MGRN1: variants seen among roughly 807,000 people sequenced by gnomAD.
MGRN1 encodes the protein E3 ubiquitin-protein ligase MGRN1.
In MGRN1, 29 loss-of-function variants were observed where a neutral mutation model predicts 69.2. That is an observed-to-expected ratio of 0.42 (90% CI 0.31 to 0.57). MGRN1 has a LOEUF of 0.57. Among genes scored for constraint, MGRN1 ranks in the 20% least tolerant of loss-of-function variants. The pLI is 0.15. For synonymous variants in MGRN1, 470 were observed against 344.2 expected (o/e 1.37, Z -4.04); for missense variants, 998 against 796.2 (o/e 1.25, Z -3.05).
intron 11 of MGRN1, among the ~76,000 whole-genome samples, chr16:4,679,165 A>T (rs1380410881): frequency 6.6e-6 from 1 of 152,146 alleles, no homozygotes; most frequent in African/African-American, 2.4e-5. Context: ...TGGTGGAGAG[A>T]GAAGCAGCCC....
intron 9 of MGRN1, 89 bp downstream of exon 9, chr16:4,671,548 A>G (rs2078937544): frequency 1.3e-5 from 17 of 1,259,596 alleles, no homozygotes; most frequent in Non-Finnish European, 2.0e-5. Flanking sequence ...GTTCCCTTCC[A>G]TGCCTTCCCC....
chr16:4,677,933 C>T (rs1455942362), intron 11 of MGRN1, among the ~76,000 whole-genome samples: 1 of 151,336 alleles, frequency 6.6e-6, no homozygotes, highest in African/African-American at 2.4e-5. Context: ...ACTGCAGCCT[C>T]GACCTCCCGC....
chr16:4,657,411 C>G (rs763980840), intron 5 of MGRN1, 48 bp downstream of exon 5: 13 of 1,563,804 alleles, frequency 8.3e-6, no homozygotes, highest in Admixed American at 3.3e-5. Context: ...CCTGAATTCT[C>G]TCCCCTTGGG....
Position 4,688,952 on chromosome 16 carries a change from C to G in MGRN1, c.*44C>G. The G allele has an allele frequency of 6.6e-7, 1 of 1,509,154 alleles. No homozygotes were observed. Among genetic ancestry groups the G allele is most frequent in the Non-Finnish European group, 8.9e-7 (1 of 1,120,756 alleles). 93.5% of individuals were successfully genotyped at this position (1,509,154 alleles called of 1,614,324 possible). On this transcript the variant is annotated 3_prime_UTR_variant, in exon 17 of 17. Coordinates refer to ENST00000262370, the MANE Select transcript of MGRN1 (RefSeq NM_015246.4). ...AGCATGGAGCCCTCGGCTCCCCAGA[C>G]TTTGCCGAGGGGCTGCTCCGGACCC...
At chr16:4,682,785 A>G (rs776695783) in intron 13 of MGRN1, 38 bp from the exon 14 acceptor site, 11 of 1,482,952 alleles carry the variant, frequency 7.4e-6, no homozygotes, top group Non-Finnish European at 9.0e-6. Flanking sequence ...CCTTGTCGTT[A>G]TCCTCTCACC....
At chr16:4,634,967 C>T (rs1207612713) in intron 1 of MGRN1, 1 of 152,212 alleles carries the variant, frequency 6.6e-6, no homozygotes, top group Non-Finnish European at 1.5e-5. Context: ...TCTAACAGGG[C>T]TCTCGCCCCG....
At chr16:4,678,574 TGGAGAGACACAG>T (rs2079106801) in intron 11 of MGRN1, among the ~76,000 whole-genome samples, 1 of 150,748 alleles carries the variant, frequency 6.6e-6, no homozygotes, top group South Asian at 2.1e-4. Context: ...GAGAGAGATG[TGGAGAGACACAG>T]GGAGAGACAG....
chr16:4,632,472 C>A (rs1235949467), intron 1 of MGRN1, among the ~76,000 whole-genome samples: 3 of 151,924 alleles, frequency 2.0e-5, no homozygotes. Context: ...CTGCTCACTG[C>A]AAGCTCTGCC....
rs115030281 is a variant in MGRN1, at chr16:4,652,172, C to T, written c.296+121C>T. ...AGGGGCCCCAGTTTCTGCGCCCTCC[C>T]GTGTGGAATGAGAGGCTGTCCTGGG... On this transcript the variant is annotated intron_variant, in intron 3 of 16. Coordinates refer to ENST00000262370, the MANE Select transcript of MGRN1 (RefSeq NM_015246.4). 3.0e-3 allele frequency: 2,631 copies of T among 884,414 alleles called. 52 individuals are homozygous for T. In the African/African-American group the frequency reaches 0.039, roughly 13 times the overall value. The allele number at this position is 884,414 out of a possible 1,614,324, so 54.8% of individuals were successfully genotyped here. A position where few individuals can be genotyped will look rare whatever the true frequency, so the allele number is the denominator to read the frequency against.
chr16:4,653,812 G>C (rs1265756370), intron 4 of MGRN1, among the ~76,000 whole-genome samples: 2 of 151,734 alleles, frequency 1.3e-5, no homozygotes, highest in African/African-American at 4.8e-5. Context: ...GAGTGCAATG[G>C]TGTGATCTTG....
At chr16:4,655,558 G>T (rs192615493) in intron 4 of MGRN1, among the ~76,000 whole-genome samples, 1 of 151,798 alleles carries the variant, frequency 6.6e-6, no homozygotes, top group Non-Finnish European at 1.5e-5. Context: ...AGCAGGAACA[G>T]CTCCAGTGCC....
chr16:4,672,487 C>G, intron 9 of MGRN1: 1 of 456,672 alleles, frequency 2.2e-6, no homozygotes, highest in Non-Finnish European at 4.4e-6. Flanking sequence ...GAGCGGAGCA[C>G]CTGGCCGGGC....
At chr16:4,679,906 TC>T in intron 11 of MGRN1, 125 bp from the exon 12 acceptor site, 1 of 891,300 alleles carries the variant, frequency 1.1e-6, no homozygotes, top group Non-Finnish European at 1.8e-6. Context: ...GAGATTCACG[TC>T]CCCCGGAAGC....
At chr16:4,655,954 C>T (rs992053101) in intron 4 of MGRN1, among the ~76,000 whole-genome samples, 1 of 152,252 alleles carries the variant, frequency 6.6e-6, no homozygotes, top group Non-Finnish European at 1.5e-5. Flanking sequence ...CGGGCCTCCC[C>T]TGTAGTGCCT....
chr16:4,662,387 G>A (rs901852106), intron 5 of MGRN1, among the ~76,000 whole-genome samples: 1 of 151,866 alleles, frequency 6.6e-6, no homozygotes, highest in Non-Finnish European at 1.5e-5. Flanking sequence ...GTGGTGGCGG[G>A]CGCCTATAAT....
chr16:4,640,977 A>G (rs1194448750), intron 1 of MGRN1, among the ~76,000 whole-genome samples: 2 of 152,160 alleles, frequency 1.3e-5, no homozygotes, highest in East Asian at 1.9e-4. Flanking sequence ...GGCCAGCGGG[A>G]AAGGGGGTGA....
intron 1 of MGRN1, chr16:4,649,004 G>A (rs1237075834): frequency 6.4e-6 from 1 of 155,894 alleles, no homozygotes; most frequent in Non-Finnish European, 1.4e-5. Flanking sequence ...AGGAATCCAG[G>A]GGAGAGGCCA....
chr16:4,689,172 G>GC lies in MGRN1; in HGVS notation c.*264_*265insC. 2.2e-6 allele frequency: 1 copy of GC among 457,872 alleles called. No individual in the cohort carries two copies. The highest frequency in any genetic ancestry group is 3.8e-5 in the East Asian group (1 of 26,646). The allele number at this position is 457,872 out of a possible 1,614,324, so 28.4% of individuals were successfully genotyped here. On this transcript the variant is annotated 3_prime_UTR_variant, in exon 17 of 17. Coordinates refer to ENST00000262370, the MANE Select transcript of MGRN1 (RefSeq NM_015246.4). ...TAGTTCAGAGCCCCCGTTCCCCAGG[G>GC]TCCTGTGGGCTGAGCGGCTGGGGCT...
intron 10 of MGRN1, chr16:4,677,049 G>A (rs1049129308): frequency 6.2e-6 from 1 of 160,722 alleles, no homozygotes; most frequent in Non-Finnish European, 1.4e-5. Flanking sequence ...CCTGTCTCGG[G>A]TGCAGCCTGG....
Sources: gnomAD v4.1 joint callset for allele counts (sites outside exome capture counted in the v4.1 genomes callset) on GRCh38, gnomAD v4.1.1 for gene constraint, MANE v1.5 for transcripts, NCBI Gene and HGNC (gene_info 2026-07-23, HGNC 2026-07-21) for gene names.